Variants in UFSP2 observed in about 807,000 individuals in gnomAD.
The protein encoded by UFSP2 is UFM1 specific peptidase 2.
A neutral mutation model predicts 60.2 loss-of-function variants in UFSP2; 43 were observed. That is an observed-to-expected ratio of 0.71 (90% CI 0.56 to 0.92). The LOEUF (loss-of-function observed/expected upper bound fraction) is 0.92. UFSP2 is among the 40% of genes least tolerant of loss of function. UFSP2 has a pLI of 0.00. For synonymous variants in UFSP2, 183 were observed against 195.1 expected, an observed-to-expected ratio of 0.94 and a Z score of 0.52; for missense variants, 520 against 575.0, an observed-to-expected ratio of 0.90 and a Z score of 0.98.
chr4:185,401,060 C>G (rs1005474455), intron 11 of UFSP2, among the ~76,000 whole-genome samples: 1 of 152,162 alleles, frequency 6.6e-6, no homozygotes, highest in African/African-American at 2.4e-5. Flanking sequence ...CAGATTTCTC[C>G]TAGGGCCACT....
rs1039703145 is a variant in UFSP2 at position 185,422,697 on chromosome 4, C to T, written c.4-134G>A. On this transcript the variant is annotated intron_variant, in intron 1 of 11. Coordinates refer to ENST00000264689, the MANE Select transcript of UFSP2 (RefSeq NM_018359.5). ...TTCAAATTATTTCATGAGTTAATTC[C>T]TTGTTTTATAGAAAAAACAAAAACA... 59 of 685,310 alleles carry T rather than the reference C, an allele frequency of 8.6e-5. No individual in the cohort carries two copies. The African/African-American group carries it at 1.0e-3, about 12-fold the overall frequency. 42.5% of individuals were successfully genotyped at this position (685,310 alleles called of 1,614,324 possible).
At position 185,413,772 on chromosome 4, in the gene UFSP2, C is replaced by T; in HGVS notation, c.785G>A (p.Arg262Lys). 1 of 1,613,454 alleles carries T rather than the reference C, an allele frequency of 6.2e-7. No homozygotes were observed. The highest frequency in any genetic ancestry group is 8.5e-7 in the Non-Finnish European group (1 of 1,179,698). ...PDEPYKDGYI[R>K]NPHTYLNPPN... ...TGGATTAAGGTAAGTATGTGGATTT[C>T]TAATGTAACCATCTTTGTATGGCTC... Residue 262 changes from arginine to lysine, a missense_variant, in exon 7 of 12, where the codon AGA (arginine) becomes AAA (lysine). Coordinates refer to ENST00000264689, the MANE Select transcript of UFSP2 (RefSeq NM_018359.5).
intron 4 of UFSP2, among the ~76,000 whole-genome samples, chr4:185,417,928 C>T (rs1218169697): frequency 6.6e-6 from 1 of 151,912 alleles, no homozygotes; most frequent in Non-Finnish European, 1.5e-5. Flanking sequence ...CCTGTAATCC[C>T]AGCTACTCAG....
At chr4:185,417,525 T>G (rs1486527417) in intron 4 of UFSP2, among the ~76,000 whole-genome samples, 4 of 152,172 alleles carry the variant, frequency 2.6e-5, no homozygotes, top group Non-Finnish European at 4.4e-5. Context: ...GCAATCCCTC[T>G]TCTCTATTTC....
At position 185,425,921 on chromosome 4, in the gene UFSP2, G is replaced by A. The variant is rs773186524; in HGVS notation, c.-53C>T. ...CTGACGCCTGCCCAAAAGTTCCGGGGGCCGGCCCTGAAGTGGTGTCACCGC... is the reference window on the plus strand; with the variant it reads ...CTGACGCCTGCCCAAAAGTTCCGGGAGCCGGCCCTGAAGTGGTGTCACCGC... On this transcript the variant is annotated 5_prime_UTR_variant, in exon 1 of 12. Coordinates refer to ENST00000264689, the MANE Select transcript of UFSP2 (RefSeq NM_018359.5). 292 of 1,567,666 alleles carry A rather than the reference G, an allele frequency of 1.9e-4. No individual in the cohort carries two copies. The highest frequency in any genetic ancestry group is 2.4e-4 in the Non-Finnish European group (282 of 1,156,594).
intron 4 of UFSP2, among the ~76,000 whole-genome samples, chr4:185,417,827 C>T (rs907936160): frequency 2.0e-5 from 3 of 151,976 alleles, no homozygotes; most frequent in Non-Finnish European, 2.9e-5. Flanking sequence ...GTGGATCGCC[C>T]GAGGTCAGGA....
intron 11 of UFSP2, among the ~76,000 whole-genome samples, chr4:185,401,868 T>G (rs897767161): frequency 9.2e-5 from 14 of 152,058 alleles, no homozygotes; most frequent in Non-Finnish European, 1.6e-4. Context: ...GCCCCTTGAG[T>G]CAACCAGAAA....
intron 6 of UFSP2, 25 bp from the exon 7 acceptor site, chr4:185,413,897 A>G: frequency 2.6e-6 from 4 of 1,564,388 alleles, no homozygotes; most frequent in Non-Finnish European, 3.4e-6. Context: ...AATCAACAGA[A>G]AAAGAAAAAA....
At chr4:185,409,643 C>T (rs980309419) in intron 7 of UFSP2, among the ~76,000 whole-genome samples, 1 of 152,144 alleles carries the variant, frequency 6.6e-6, no homozygotes, top group African/African-American at 2.4e-5. Context: ...AAGTGGCTCC[C>T]AAAAGGTATG....
intron 11 of UFSP2, among the ~76,000 whole-genome samples, chr4:185,402,611 G>C (rs746689774): frequency 6.6e-6 from 1 of 152,062 alleles, no homozygotes; most frequent in African/African-American, 2.4e-5. Flanking sequence ...AAATAGCCAA[G>C]ATTATAGGCG....
At chr4:185,422,459 A>G (rs776347874) in intron 2 of UFSP2, 26 bp downstream of exon 2, 1 of 1,563,620 alleles carries the variant, frequency 6.4e-7, no homozygotes, top group Non-Finnish European at 8.7e-7. Context: ...ATTTTCTAAT[A>G]AAAAAGAATT....
intron 1 of UFSP2, among the ~76,000 whole-genome samples, chr4:185,423,546 G>T (rs1360700685): frequency 8.0e-6 from 1 of 124,742 alleles, no homozygotes; most frequent in African/African-American, 2.5e-5. Flanking sequence ...TAACCTAACT[G>T]CCAACAATAG....
chr4:185,407,386 A>G (rs538110754), intron 9 of UFSP2, among the ~76,000 whole-genome samples: 4 of 152,138 alleles, frequency 2.6e-5, no homozygotes, highest in Non-Finnish European at 4.4e-5. Flanking sequence ...AGCTCATACA[A>G]TCAGGAGTCA....
rs2095559666 is a variant in UFSP2 at position 185,425,956 on chromosome 4, G to T, written c.-88C>A. 3 of 1,502,938 alleles carry T rather than the reference G, an allele frequency of 2.0e-6. No individual in the cohort carries two copies. The highest frequency in any genetic ancestry group is 2.7e-6 in the Non-Finnish European group (3 of 1,104,026). 93.1% of individuals were successfully genotyped at this position (1,502,938 alleles called of 1,614,324 possible). A position where few individuals can be genotyped will look rare whatever the true frequency, so the allele number is the denominator to read the frequency against. On this transcript the variant is annotated 5_prime_UTR_variant, in exon 1 of 12. Transcript: ENST00000264689. ...GAAGTGGTGTCACCGCACGGCCCAG[G>T]GGCGGGGCCCGGGCGGACCAACTAC...
At chr4:185,400,655 AG>A in intron 11 of UFSP2, 177 bp from the exon 12 acceptor site, 1 of 438,638 alleles carries the variant, frequency 2.3e-6, no homozygotes. Flanking sequence ...CCTTTAAGGT[AG>A]GTTTTTGAAC....
intron 1 of UFSP2, among the ~76,000 whole-genome samples, chr4:185,425,617 C>G (rs771471075): frequency 6.6e-6 from 1 of 152,262 alleles, no homozygotes; most frequent in East Asian, 1.9e-4. Context: ...AAAATACTTT[C>G]ACACAGAGAA....
At chr4:185,406,237 A>G (rs2095520239) in intron 9 of UFSP2, 1 of 265,510 alleles carries the variant, frequency 3.8e-6, no homozygotes. Context: ...TCTTGCTGGT[A>G]GACTTCTTAG....
chr4:185,413,656 G>T, intron 7 of UFSP2, 70 bp downstream of exon 7: 1 of 1,426,606 alleles, frequency 7.0e-7, no homozygotes, highest in Non-Finnish European at 9.5e-7. Context: ...GTCTCCTACT[G>T]GGTACCAACA....
Position 185,406,285 on chromosome 4 carries a change from C to G in UFSP2, c.1122-429G>C, listed in dbSNP as rs201503430. The G allele has an allele frequency of 7.5e-4, 172 of 229,468 alleles. 3 individuals are homozygous for G. In the East Asian group the frequency reaches 0.015, roughly 19 times the overall value. 14.2% of individuals were successfully genotyped at this position (229,468 alleles called of 1,614,324 possible). ...CATCTTTAAATTGGGACCCAAAACG[C>G]TGACCTGTCTACATAACAGAGGAGA... is the stretch of plus-strand genomic sequence containing the variant. On this transcript the variant is annotated intron_variant, in intron 9 of 11. Transcript: ENST00000264689.
Sources: gnomAD v4.1 joint callset for allele counts (sites outside exome capture counted in the v4.1 genomes callset) on GRCh38, gnomAD v4.1.1 for gene constraint, MANE v1.5 for transcripts, NCBI Gene and HGNC (gene_info 2026-07-23, HGNC 2026-07-21) for gene names.